Variants in CACNA2D3 observed in about 807,000 individuals in gnomAD.
CACNA2D3 encodes calcium voltage-gated channel auxiliary subunit alpha2delta 3.
A neutral mutation model predicts 160.6 loss-of-function variants in CACNA2D3; 60 were observed. The ratio of observed to expected loss-of-function variants is 0.37; its 90% CI spans 0.30 to 0.46. CACNA2D3 has a LOEUF of 0.46. Among genes scored for constraint, CACNA2D3 ranks in the 20% least tolerant of loss-of-function variants. The pLI is 1.00. For missense variants in CACNA2D3, 1,205 were observed against 1,365.0 expected (o/e 0.88, Z 1.85); for synonymous variants, 558 against 492.9 (o/e 1.13, Z -1.75).
At chr3:54,552,199 G>A (rs1382368167) in intron 5 of CACNA2D3, among the ~76,000 whole-genome samples, 4 of 152,238 alleles carry the variant, frequency 2.6e-5, no homozygotes, top group South Asian at 2.1e-4. Flanking sequence ...AGGAACTCTC[G>A]GAGGGGGACT....
intron 27 of CACNA2D3, among the ~76,000 whole-genome samples, chr3:54,964,038 C>T (rs1702090099): frequency 1.3e-5 from 2 of 152,264 alleles, no homozygotes; most frequent in Middle Eastern, 3.4e-3. Flanking sequence ...CTGAATATTT[C>T]ACATGAAAGG....
At chr3:54,626,602 C>T (rs1575390956) in intron 9 of CACNA2D3, 10 of 1,482,064 alleles carry the variant, frequency 6.7e-6, no homozygotes, top group South Asian at 4.7e-5. Context: ...GCACGGCGGG[C>T]CCGGCATCGG....
intron 4 of CACNA2D3, among the ~76,000 whole-genome samples, chr3:54,462,519 C>G (rs112187862): frequency 6.6e-6 from 1 of 151,814 alleles, no homozygotes; most frequent in African/African-American, 2.4e-5. Context: ...GATCCCTTTA[C>G]CATTATGCAA....
At chr3:54,447,961 G>A (rs576834739) in intron 4 of CACNA2D3, among the ~76,000 whole-genome samples, 198 of 152,262 alleles carry the variant, frequency 1.3e-3, no homozygotes, top group African/African-American at 4.6e-3. Flanking sequence ...GATATCAGTG[G>A]GAAGTGACAG....
chr3:54,441,067 C>T (rs60795695), intron 4 of CACNA2D3, among the ~76,000 whole-genome samples: 32,478 of 151,846 alleles, frequency 0.21, 4,164 homozygotes, highest in African/African-American at 0.37. Flanking sequence ...GCCACACTGA[C>T]TTCCACAATG....
chr3:55,035,108 G>A (rs1348581012), intron 35 of CACNA2D3, among the ~76,000 whole-genome samples: 1 of 152,162 alleles, frequency 6.6e-6, no homozygotes, highest in African/African-American at 2.4e-5. Flanking sequence ...TGGAGCCTAA[G>A]AGGCCTCCGC....
chr3:54,927,380 T>A (rs1701052351), intron 27 of CACNA2D3, among the ~76,000 whole-genome samples: 1 of 152,202 alleles, frequency 6.6e-6, no homozygotes, highest in Non-Finnish European at 1.5e-5. Flanking sequence ...TTCCTTTCTA[T>A]AATTTTGCAA....
intron 33 of CACNA2D3, 149 bp from the exon 34 acceptor site, chr3:55,009,239 T>G (rs886438899): frequency 1.5e-6 from 1 of 675,990 alleles, no homozygotes; most frequent in South Asian, 1.9e-5. Context: ...CTGTGAAAAT[T>G]TAGTAGTAAC....
rs71096434 is a variant in CACNA2D3 at position 54,678,720 on chromosome 3, CAAAAAAAAA to C, written c.1167+36500_1167+36508del. On this transcript the variant is annotated intron_variant, in intron 11 of 37. Transcript: ENST00000474759. Reference sequence around the variant, plus strand: ...TGGGTGACAGAGTGAGACTCGGTCTCAAAAAAAAAAAAAAAAAAAAAAAAAAAAAGTTGA... The same window carrying C: ...TGGGTGACAGAGTGAGACTCGGTCTCAAAAAAAAAAAAAAAAAAAAGTTGA... 9.1e-4 allele frequency among the ~76,000 whole-genome samples: 42 copies of C among 45,918 alleles called. No individual in the cohort carries two copies. The South Asian group carries it at 0.032, about 35-fold the overall frequency. The allele number at this position is 45,918 out of a possible 152,430, so 30.1% of individuals were successfully genotyped here.
intron 3 of CACNA2D3, among the ~76,000 whole-genome samples, chr3:54,354,893 T>G (rs537632717): frequency 1.3e-3 from 203 of 152,334 alleles, no homozygotes; most frequent in African/African-American, 4.8e-3. Context: ...AAAAATCTTT[T>G]GCAACACCAG....
chr3:54,892,338 A>T (rs1700089258), intron 25 of CACNA2D3, among the ~76,000 whole-genome samples: 1 of 151,926 alleles, frequency 6.6e-6, no homozygotes, highest in African/African-American at 2.4e-5. Context: ...AGTAGCTGCC[A>T]ATTTGAGAGG....
Position 54,840,545 on chromosome 3 carries a change from G to A in CACNA2D3, c.1551+1897G>A, listed in dbSNP as rs535922141. 5.3e-5 allele frequency among the ~76,000 whole-genome samples: 8 copies of A among 151,058 alleles called. 1 individual carries two copies. Among genetic ancestry groups the A allele is most frequent in the African/African-American group, 1.9e-4 (8 of 41,062 alleles). The stretch of plus-strand genomic sequence containing the variant: ...CCTGCCTCAGCTTCCTAAGTAGCTG[G>A]GATTACAGGTGCACGCCACCATGCC... On this transcript the variant is annotated intron_variant, in intron 16 of 37. Transcript: ENST00000474759.
intron 2 of CACNA2D3, among the ~76,000 whole-genome samples, chr3:54,134,537 C>G (rs1269779519): frequency 6.6e-6 from 1 of 152,188 alleles, no homozygotes; most frequent in African/African-American, 2.4e-5. Context: ...AGGCAGATCA[C>G]CAGGTCCTTC....
chr3:54,322,939 T>G (rs1704037412), intron 3 of CACNA2D3, among the ~76,000 whole-genome samples: 1 of 152,212 alleles, frequency 6.6e-6, no homozygotes, highest in African/African-American at 2.4e-5. Flanking sequence ...GCAATGTGTA[T>G]TCTATATATT....
At chr3:54,832,285 A>G (rs1703898188) in intron 14 of CACNA2D3, among the ~76,000 whole-genome samples, 1 of 152,088 alleles carries the variant, frequency 6.6e-6, no homozygotes. Context: ...GTGTGTGTGC[A>G]CACTTCTGTG....
chr3:54,575,034 A>C (rs1702559005), intron 8 of CACNA2D3, among the ~76,000 whole-genome samples: 1 of 152,186 alleles, frequency 6.6e-6, no homozygotes, highest in Non-Finnish European at 1.5e-5. Flanking sequence ...TTCAGTGCTC[A>C]TTTGTTCTGT....
chr3:54,305,220 TTATG>T (rs1188743266), intron 2 of CACNA2D3, among the ~76,000 whole-genome samples: 1 of 152,230 alleles, frequency 6.6e-6, no homozygotes, highest in African/African-American at 2.4e-5. Flanking sequence ...ACTTGACACT[TTATG>T]TATTTTTAAT....
At chr3:54,446,329 A>G (rs1700221487) in intron 4 of CACNA2D3, among the ~76,000 whole-genome samples, 1 of 152,152 alleles carries the variant, frequency 6.6e-6, no homozygotes, top group Non-Finnish European at 1.5e-5. Flanking sequence ...CATAGAGCAT[A>G]GAGAGGGAGG....
intron 11 of CACNA2D3, among the ~76,000 whole-genome samples, chr3:54,670,414 G>A (rs867881846): frequency 1.3e-5 from 2 of 152,136 alleles, no homozygotes; most frequent in South Asian, 2.1e-4. Context: ...GAAGCTTTGC[G>A]GAGATGGGCT....
Sources: gnomAD v4.1 joint callset for allele counts (sites outside exome capture counted in the v4.1 genomes callset) on GRCh38, gnomAD v4.1.1 for gene constraint, MANE v1.5 for transcripts, NCBI Gene and HGNC (gene_info 2026-07-23, HGNC 2026-07-21) for gene names.